The following IFT172 variants were observed in gnomAD, a reference collection of about 807,000 sequenced individuals.
The protein encoded by IFT172 is intraflagellar transport 172.
Under a neutral mutation model 248.9 loss-of-function variants are expected in IFT172, and 164 were observed. That is an observed-to-expected ratio of 0.66 (90% CI 0.58 to 0.75). The LOEUF is 0.75. IFT172 is among the 30% of genes least tolerant of loss of function. IFT172 has a pLI of 0.00. For synonymous variants in IFT172, 729 were observed against 791.6 expected, an observed-to-expected ratio of 0.92 and a Z score of 1.33; for missense variants, 1,950 against 2,192.4, an observed-to-expected ratio of 0.89 and a Z score of 2.21.
At chr2:27,476,833 T>C in intron 13 of IFT172, 107 bp from the exon 14 acceptor site, 1 of 688,308 alleles carries the variant, frequency 1.5e-6, no homozygotes. Flanking sequence ...ATTTATTTAT[T>C]TATTTTGAGA....
In IFT172 at chr2:27,453,403, G is replaced by A. The variant is rs760562906; in HGVS notation, c.3932C>T (p.Ala1311Val). ...CCTCACCTTCATCCAGCACTTCTCC[G>A]CCAGGCCGCTGTTTCCAGAGTCTCG... ...KVRDSGNSGLAEKCWMKAAEL... is the reference protein window; with the variant it reads ...KVRDSGNSGLVEKCWMKAAEL... Residue 1311 changes from alanine (A) to valine (V), a missense_variant, in exon 35 of 48, where the codon GCG (alanine) becomes GTG (valine). Ala to Val is a moderately conservative substitution (Grantham distance 64, BLOSUM62 0). Coordinates refer to ENST00000260570, the MANE Select transcript of IFT172 (RefSeq NM_015662.3). 1.7e-5 allele frequency: 27 copies of A among 1,614,060 alleles called. No individual in the cohort carries two copies. The highest frequency in any genetic ancestry group is 1.6e-4 in the Middle Eastern group (1 of 6,084).
chr2:27,452,128 G>A (rs1665733861), intron 35 of IFT172, among the ~76,000 whole-genome samples: 1 of 152,078 alleles, frequency 6.6e-6, no homozygotes, highest in Non-Finnish European at 1.5e-5. Context: ...TTGGTAGACT[G>A]AGTAAAGCAA....
intron 35 of IFT172, among the ~76,000 whole-genome samples, chr2:27,451,832 G>A (rs1665705608): frequency 6.6e-6 from 1 of 151,872 alleles, no homozygotes; most frequent in African/African-American, 2.4e-5. Context: ...AATTTTGCAG[G>A]GGCATCACCA....
chr2:27,480,263 A>C, intron 8 of IFT172, 114 bp from the exon 9 acceptor site: 1 of 1,400,518 alleles, frequency 7.1e-7, no homozygotes, highest in Non-Finnish European at 9.4e-7. Flanking sequence ...GGAAATAAAA[A>C]GAACAGACAA....
intron 35 of IFT172, 115 bp downstream of exon 35, chr2:27,453,269 A>T (rs1252788269): frequency 7.6e-7 from 1 of 1,315,916 alleles, no homozygotes; most frequent in Non-Finnish European, 1.1e-6. Context: ...GATTCCTGCT[A>T]CCTGATTGAA....
Position 27,454,754 on chromosome 2 carries a change from G to C in IFT172, c.3372-94C>G. 9.7e-7 allele frequency: 1 copy of C among 1,031,238 alleles called. No individual in the cohort carries two copies. Among genetic ancestry groups the C allele is most frequent in the South Asian group, 1.4e-5 (1 of 71,876 alleles). 63.9% of individuals were successfully genotyped at this position (1,031,238 alleles called of 1,614,324 possible). A position where few individuals can be genotyped will look rare whatever the true frequency, so the allele number is the denominator to read the frequency against. On this transcript the variant is annotated intron_variant, in intron 30 of 47. Coordinates refer to ENST00000260570, the MANE Select transcript of IFT172 (RefSeq NM_015662.3). The surrounding 1 kb of genome is among the most constrained non-coding windows in gnomAD (Gnocchi z 4.2). ...CAGAGAAAGGACAGAGTTGAGGGGA[G>C]AAAAAGTGACAGATTTAAGGATAAC...
chr2:27,455,838 G>A, intron 30 of IFT172: 1 of 449,316 alleles, frequency 2.2e-6, no homozygotes, highest in African/African-American at 2.1e-5. Context: ...ATATAGGAGG[G>A]AAAATCCTGG....
At chr2:27,465,253 G>A in intron 18 of IFT172, 158 bp downstream of exon 18, 1 of 649,006 alleles carries the variant, frequency 1.5e-6, no homozygotes, top group Non-Finnish European at 2.8e-6. Flanking sequence ...ATGGGAGAGT[G>A]TTTGGAATAT....
rs1330779497 is a variant in IFT172 at position 27,485,479 on chromosome 2, T to G, written c.64A>C (p.Met22Leu). The G allele has an allele frequency of 6.2e-7, 1 of 1,614,048 alleles. No homozygotes were observed. Among genetic ancestry groups the G allele is most frequent in the African/African-American group, 1.3e-5 (1 of 75,048 alleles). ...TTGGCATTGTTCTGGGACCAAGCCA[T>G]GCAGGTCACCTTTGCAGCTCCATCC... ...PQDGAAKVTC[M>L]AWSQNNAKFA... Residue 22 changes from methionine to leucine, a missense_variant, in exon 2 of 48, where the codon ATG (methionine) becomes CTG (leucine). By Grantham distance (15) the Met-to-Leu change is conservative. Coordinates refer to ENST00000260570, the MANE Select transcript of IFT172 (RefSeq NM_015662.3).
chr2:27,454,226 A>C lies in IFT172; in HGVS notation c.3531-64T>G. 1 of 1,600,240 alleles carries C rather than the reference A, an allele frequency of 6.2e-7. No individual in the cohort carries two copies. Among genetic ancestry groups the C allele is most frequent in the South Asian group, 1.1e-5 (1 of 90,364 alleles). The stretch of plus-strand genomic sequence containing the variant: ...GACTGAGGCCCCAATAGTGGGAGAC[A>C]AACAGCCATGTCACTGAGGGGTGTA... On this transcript the variant is annotated intron_variant, in intron 32 of 47. Coordinates refer to ENST00000260570, the MANE Select transcript of IFT172 (RefSeq NM_015662.3). This position sits in a 1 kb window ranked among gnomAD's most constrained non-coding sequence, Gnocchi z 4.2.
chr2:27,457,728 C>T lies in IFT172; in HGVS notation c.3139G>A (p.Glu1047Lys). ...KELEAEGRLQ[E>K]AEYHYLEAQE... ...GCCTCGAGGTAGTGGTACTCAGCCT[C>T]CTGTAGTCGGCCTTCAGCCTCCAGC... The change falls in exon 29 of 48, where the codon GAG (glutamate) becomes AAG (lysine). Residue 1047 changes from glutamate (E) to lysine (K), a missense_variant. Around this residue, in one of 3 missense-constraint regions of IFT172, gnomAD observed 164 missense variants for 239.3 expected, o/e 0.69. Transcript: ENST00000260570. 6.2e-7 allele frequency: 1 copy of T among 1,614,180 alleles called. No individual in the cohort carries two copies. Among genetic ancestry groups the T allele is most frequent in the South Asian group, 1.1e-5 (1 of 91,084 alleles).
chr2:27,446,178 C>T, intron 43 of IFT172, 82 bp downstream of exon 43: 2 of 1,444,500 alleles, frequency 1.4e-6, no homozygotes, highest in South Asian at 2.3e-5. Context: ...CTCAGCTTTC[C>T]TCTACCAGAG....
chr2:27,488,058 CT>C (rs1372119357), intron 1 of IFT172, among the ~76,000 whole-genome samples: 2 of 152,196 alleles, frequency 1.3e-5, no homozygotes, highest in African/African-American at 4.8e-5. Flanking sequence ...TCACGTCTCA[CT>C]GCAGCCTCGA....
In IFT172 at chr2:27,453,038, T is replaced by C. The variant is rs1006708727; in HGVS notation, c.3951+346A>G. 1.4e-4 allele frequency: 51 copies of C among 361,672 alleles called. 1 individual carries two copies. Among genetic ancestry groups the C allele is most frequent in the South Asian group, 1.1e-3 (50 of 45,542 alleles). The allele number at this position is 361,672 out of a possible 1,614,324, so 22.4% of individuals were successfully genotyped here. A position where few individuals can be genotyped will look rare whatever the true frequency, so the allele number is the denominator to read the frequency against. On this transcript the variant is annotated intron_variant, in intron 35 of 47. Transcript: ENST00000260570. ...TTCCAGCTCCTGTCCAAGTCTTCCC[T>C]CCTTCTTCACAGAGCCTTCCTGACC... is the stretch of plus-strand genomic sequence containing the variant.
At chr2:27,465,912 A>G in intron 16 of IFT172, 30 bp from the exon 17 acceptor site, 1 of 1,613,144 alleles carries the variant, frequency 6.2e-7, no homozygotes, top group Non-Finnish European at 8.5e-7. Context: ...AACCCACCCC[A>G]ATTTCAGGTT....
At position 27,461,459 on chromosome 2, in the gene IFT172, T is replaced by C. The variant is rs759174400; in HGVS notation, c.2252A>G (p.Gln751Arg). Residue 751 changes from glutamine to arginine, a missense_variant, in exon 22 of 48, where the codon CAG becomes CGG. Gln to Arg is a conservative substitution (Grantham distance 43). Coordinates refer to ENST00000260570, the MANE Select transcript of IFT172 (RefSeq NM_015662.3). ...TAGTTCACCTGCTCGCTCCTCTTGC[T>C]GTGTGTCCATCAGCCACTGGTAGTA... ...RSYYQWLMDT[Q>R]QEERAGELQE... 6.2e-7 allele frequency: 1 copy of C among 1,614,200 alleles called. No homozygotes were observed. The highest frequency in any genetic ancestry group is 1.1e-5 in the South Asian group (1 of 91,084).
In IFT172 at chr2:27,444,526, G is replaced by A; in HGVS notation, c.5161-5C>T. ...GCACACTGGGCTGTGGGAGGTCTGT[G>A]AGCAAATGGAAGAACATGAGAGGAA... On this transcript the variant is annotated splice_region_variant and splice_polypyrimidine_tract_variant and intron_variant, in intron 47 of 47. Coordinates refer to ENST00000260570, the MANE Select transcript of IFT172 (RefSeq NM_015662.3). 6.2e-7 allele frequency: 1 copy of A among 1,611,646 alleles called. No homozygotes were observed. The highest frequency in any genetic ancestry group is 8.5e-7 in the Non-Finnish European group (1 of 1,178,316).
intron 41 of IFT172, 45 bp from the exon 42 acceptor site, chr2:27,447,679 T>C: frequency 1.2e-6 from 2 of 1,613,332 alleles, no homozygotes; most frequent in Middle Eastern, 1.7e-4. Flanking sequence ...GTCAGAGGAG[T>C]GCCAGGGCCA....
chr2:27,477,108 A>T (rs1173249394), intron 13 of IFT172, 109 bp downstream of exon 13: 1 of 969,736 alleles, frequency 1.0e-6, no homozygotes, highest in Non-Finnish European at 1.6e-6. Context: ...TATAGGCATG[A>T]GCCACCACAC....
Sources: gnomAD v4.1 joint callset for allele counts (sites outside exome capture counted in the v4.1 genomes callset) on GRCh38, gnomAD v4.1.1 for gene constraint, gnomAD v4.1.1 regional missense constraint, Gnocchi (gnomAD v3.1) non-coding constraint, MANE v1.5 for transcripts, NCBI Gene and HGNC (gene_info 2026-07-23, HGNC 2026-07-21) for gene names.